Variants in CMSS1 observed in about 807,000 individuals in gnomAD.
CMSS1 encodes protein CMSS1.
CMSS1 carries 33 observed loss-of-function variants against 43.5 expected under a neutral mutation model. The ratio of observed to expected loss-of-function variants is 0.76; its 90% CI spans 0.57 to 1.01. The LOEUF (loss-of-function observed/expected upper bound fraction) is 1.01. Ranked by LOEUF, CMSS1 falls within the 50% of genes least tolerant of loss-of-function variation. The pLI, the probability that CMSS1 is intolerant of heterozygous loss-of-function variation, is 0.00. For synonymous variants in CMSS1, 115 were observed against 117.2 expected (o/e 0.98, Z 0.12); for missense variants, 313 against 326.4 (o/e 0.96, Z 0.32).
intron 1 of CMSS1, among the ~76,000 whole-genome samples, chr3:100,139,797 CAAA>C (rs34956600): frequency 5.9e-5 from 7 of 117,960 alleles, no homozygotes; most frequent in Non-Finnish European, 5.3e-5. Flanking sequence ...AACTCCATCT[CAAA>C]AAAAAAAAAA....
chr3:100,162,491 G>T, intron 4 of CMSS1, 59 bp downstream of exon 4: 6 of 1,555,786 alleles, frequency 3.9e-6, no homozygotes, highest in Admixed American at 3.7e-5. Flanking sequence ...ATCTGTTATG[G>T]TTAGGTGTCT....
intron 1 of CMSS1, among the ~76,000 whole-genome samples, chr3:100,059,460 G>A (rs372483602): frequency 3.2e-4 from 48 of 152,236 alleles, no homozygotes; most frequent in African/African-American, 1.2e-3. Context: ...TTTCATTCAG[G>A]AAGCATTTTT....
At chr3:99,828,900 C>G (rs1409539298) in intron 1 of CMSS1, among the ~76,000 whole-genome samples, 1 of 152,094 alleles carries the variant, frequency 6.6e-6, no homozygotes, top group Admixed American at 6.6e-5. Flanking sequence ...TGCCCATCAT[C>G]CCTCTCAATG....
intron 1 of CMSS1, among the ~76,000 whole-genome samples, chr3:99,952,970 T>G (rs989379862): frequency 2.0e-5 from 3 of 152,164 alleles, no homozygotes; most frequent in Non-Finnish European, 2.9e-5. Flanking sequence ...TCTCATTGAT[T>G]TGGTTTTTGT....
At chr3:100,088,590 ACAC>A (rs2066052043) in intron 1 of CMSS1, among the ~76,000 whole-genome samples, 1 of 152,184 alleles carries the variant, frequency 6.6e-6, no homozygotes, top group South Asian at 2.1e-4. Flanking sequence ...GTGTCAAAGC[ACAC>A]CAGTTTCCTC....
intron 1 of CMSS1, among the ~76,000 whole-genome samples, chr3:99,824,761 T>C (rs1298779894): frequency 6.6e-6 from 1 of 152,266 alleles, no homozygotes; most frequent in Non-Finnish European, 1.5e-5. Context: ...GATTTAATTT[T>C]ATAAATTACG....
At chr3:99,989,179 A>G (rs146936227) in intron 1 of CMSS1, among the ~76,000 whole-genome samples, 1 of 152,104 alleles carries the variant, frequency 6.6e-6, no homozygotes. Flanking sequence ...TTTCTTGGAG[A>G]TAAATTAAAT....
intron 1 of CMSS1, among the ~76,000 whole-genome samples, chr3:100,129,338 C>T (rs929892767): frequency 1.1e-4 from 16 of 152,034 alleles, no homozygotes; most frequent in African/African-American, 3.6e-4. Context: ...TTTCATAATT[C>T]TTAGTAGGGA....
chr3:99,947,676 T>A (rs1708051312), intron 1 of CMSS1, among the ~76,000 whole-genome samples: 1 of 152,240 alleles, frequency 6.6e-6, no homozygotes, highest in Admixed American at 6.5e-5. Context: ...ACCTCCCCTC[T>A]AAATTCTTTT....
At chr3:99,890,437 A>G (rs1367873654) in intron 1 of CMSS1, among the ~76,000 whole-genome samples, 1 of 152,130 alleles carries the variant, frequency 6.6e-6, no homozygotes, top group Admixed American at 6.5e-5. Context: ...TAACATTTCA[A>G]ATATGGCTTC....
intron 1 of CMSS1, among the ~76,000 whole-genome samples, chr3:100,058,203 C>T (rs2065498225): frequency 1.3e-5 from 2 of 152,236 alleles, no homozygotes; most frequent in South Asian, 2.1e-4. Flanking sequence ...TGCTATTACT[C>T]TCTATACCCT....
intron 6 of CMSS1, among the ~76,000 whole-genome samples, chr3:100,170,750 C>T (rs2067103364): frequency 1.3e-5 from 2 of 152,304 alleles, no homozygotes; most frequent in Non-Finnish European, 1.5e-5. Flanking sequence ...GGTGCACCAG[C>T]GCCGTCTCAG....
chr3:99,820,144 T>C (rs1026907278), intron 1 of CMSS1, among the ~76,000 whole-genome samples: 6 of 152,130 alleles, frequency 3.9e-5, no homozygotes, highest in African/African-American at 1.2e-4. Context: ...AGACAGTGTG[T>C]TGGAGTGCCT....
At chr3:99,908,914 T>A (rs1347094297) in intron 1 of CMSS1, among the ~76,000 whole-genome samples, 1 of 152,122 alleles carries the variant, frequency 6.6e-6, no homozygotes, top group Non-Finnish European at 1.5e-5. Flanking sequence ...GGAATCTTAA[T>A]TAGCTTCAGG....
intron 1 of CMSS1, among the ~76,000 whole-genome samples, chr3:99,928,572 A>G (rs768904142): frequency 1.4e-4 from 21 of 152,202 alleles, no homozygotes; most frequent in Non-Finnish European, 2.8e-4. Context: ...CCAATTTTGC[A>G]TGTGCACAAT....
At chr3:100,137,864 C>T (rs1350042381) in intron 1 of CMSS1, among the ~76,000 whole-genome samples, 1 of 152,138 alleles carries the variant, frequency 6.6e-6, no homozygotes, top group East Asian at 1.9e-4. Flanking sequence ...CACGACCAGC[C>T]AGCATGTAAC....
intron 1 of CMSS1, among the ~76,000 whole-genome samples, chr3:100,070,215 C>T (rs1224645793): frequency 6.6e-6 from 1 of 152,118 alleles, no homozygotes. Flanking sequence ...TGAATATCAT[C>T]CTTAGATAGT....
intron 1 of CMSS1, among the ~76,000 whole-genome samples, chr3:99,884,428 T>G (rs1705828321): frequency 1.3e-5 from 2 of 152,198 alleles, no homozygotes; most frequent in Non-Finnish European, 2.9e-5. Flanking sequence ...ATGACATTGA[T>G]TTAAGTTTCA....
intron 1 of CMSS1, among the ~76,000 whole-genome samples, chr3:100,104,816 C>G (rs537594533): frequency 2.1e-4 from 32 of 152,270 alleles, no homozygotes; most frequent in African/African-American, 6.5e-4. Context: ...TCCCTTACCC[C>G]CAAAACTGGC....
Sources: allele counts gnomAD v4.1 joint callset (sites outside exome capture counted in the v4.1 genomes callset), GRCh38; gene constraint gnomAD v4.1.1; transcripts MANE v1.5; gene names NCBI Gene and HGNC (gene_info 2026-07-23, HGNC 2026-07-21).